Variants in LRTM2 observed in about 807,000 individuals in gnomAD.
LRTM2 encodes leucine-rich repeat and transmembrane domain-containing protein 2.
In LRTM2, 18 loss-of-function variants were observed where a neutral mutation model predicts 28.1. That is an observed-to-expected ratio of 0.64 (90% CI 0.44 to 0.95). The LOEUF (loss-of-function observed/expected upper bound fraction) is 0.95. Among genes scored for constraint, LRTM2 ranks in the 40% least tolerant of loss-of-function variants. The pLI is 0.00. For synonymous variants in LRTM2, 250 were observed against 218.7 expected, an observed-to-expected ratio of 1.14 and a Z score of -1.26; for missense variants, 436 against 497.2, an observed-to-expected ratio of 0.88 and a Z score of 1.17.
intron 1 of LRTM2, chr12:1,823,321 A>G (rs189305004): frequency 6.6e-6 from 1 of 152,416 alleles, no homozygotes; most frequent in East Asian, 1.9e-4. Flanking sequence ...AGACTGATTA[A>G]TTAACCTCCA....
rs370265892 is a variant in LRTM2 at position 1,831,063 on chromosome 12, G to A, written c.196G>A (p.Val66Met). Residue 66 changes from valine to methionine, a missense_variant, in exon 4 of 5, where the codon GTG (valine) becomes ATG (methionine). Coordinates refer to ENST00000299194, the MANE Select transcript of LRTM2 (RefSeq NM_001039029.3). ...TGGCCTCACCACGGTGCCCCCAGAC[G>A]TGCCCGCAGCCACCCGAACCCTCTT... ...GLGLTTVPPDVPAATRTLLLL... is the reference protein window; with the variant it reads ...GLGLTTVPPDMPAATRTLLLL... 135 of 1,614,024 alleles carry A rather than the reference G, an allele frequency of 8.4e-5. No individual in the cohort carries two copies. The highest frequency in any genetic ancestry group is 1.2e-4 in the Admixed American group (7 of 60,024).
chr12:1,827,954 T>G (rs1864420928), intron 2 of LRTM2, 122 bp from the exon 3 acceptor site: 1 of 422,636 alleles, frequency 2.4e-6, no homozygotes, highest in Non-Finnish European at 4.1e-6. Flanking sequence ...CAGGGAATCA[T>G]AACTGAGAGG....
At chr12:1,825,642 A>G (rs1864282575) in intron 1 of LRTM2, among the ~76,000 whole-genome samples, 1 of 152,160 alleles carries the variant, frequency 6.6e-6, no homozygotes, top group Admixed American at 6.5e-5. Context: ...GTTAGCACAT[A>G]CCTAGCTGCA....
intron 1 of LRTM2, among the ~76,000 whole-genome samples, chr12:1,823,044 C>T (rs181969618): frequency 7.6e-4 from 116 of 152,302 alleles, no homozygotes; most frequent in African/African-American, 2.7e-3. Flanking sequence ...GCTGCAAATG[C>T]CCCCTTTACC....
Position 1,834,262 on chromosome 12 carries a change from T to C in LRTM2, c.659-5T>C. On this transcript the variant is annotated splice_polypyrimidine_tract_variant and splice_region_variant and intron_variant, in intron 4 of 4. Coordinates refer to ENST00000299194, the MANE Select transcript of LRTM2 (RefSeq NM_001039029.3). The surrounding 1 kb of genome is among the most constrained non-coding windows in gnomAD (Gnocchi z 7.6). Reference sequence around the variant, plus strand: ...TCAGCCCCTCTTTTTCTCTTCTGCATGTAGGGGGACGCTTGGACCAGCTTG... The same window carrying C: ...TCAGCCCCTCTTTTTCTCTTCTGCACGTAGGGGGACGCTTGGACCAGCTTG... 5 of 1,556,700 alleles carry C rather than the reference T, an allele frequency of 3.2e-6. No homozygotes were observed. The highest frequency in any genetic ancestry group is 4.4e-6 in the Non-Finnish European group (5 of 1,148,828).
chr12:1,828,327 C>A lies in LRTM2; in HGVS notation c.67+112C>A. The A allele has an allele frequency of 3.2e-6, 3 of 950,026 alleles. No homozygotes were observed. Among genetic ancestry groups the A allele is most frequent in the Non-Finnish European group, 4.5e-6 (3 of 667,266 alleles). The allele number at this position is 950,026 out of a possible 1,614,324, so 58.8% of individuals were successfully genotyped here. A position where few individuals can be genotyped will look rare whatever the true frequency, so the allele number is the denominator to read the frequency against. On this transcript the variant is annotated intron_variant, in intron 3 of 4. Transcript: ENST00000299194. This position sits in a 1 kb window ranked among gnomAD's most constrained non-coding sequence, Gnocchi z 4.2. The stretch of plus-strand genomic sequence containing the variant: ...CACACTCAGGCTGCAGGGAGGCCTA[C>A]GCCAGATCTTCCTGGGGTACCCGAG...
rs930496957 is a variant in LRTM2, at chr12:1,833,295, A to G, written c.659-972A>G. On this transcript the variant is annotated intron_variant, in intron 4 of 4. Coordinates refer to ENST00000299194, the MANE Select transcript of LRTM2 (RefSeq NM_001039029.3). This position sits in a 1 kb window ranked among gnomAD's most constrained non-coding sequence, Gnocchi z 4.2. ...TGGCTGCAGCCCGCATCTTTTCGGC[A>G]GGGGGTCTAGTGCCTGCATCCAGAT... is the stretch of plus-strand genomic sequence containing the variant. Among the ~76,000 whole-genome samples, 3 of 152,148 alleles carry G rather than the reference A, an allele frequency of 2.0e-5. No individual in the cohort carries two copies. Among genetic ancestry groups the G allele is most frequent in the African/African-American group, 7.2e-5 (3 of 41,438 alleles).
intron 1 of LRTM2, among the ~76,000 whole-genome samples, chr12:1,823,913 G>A (rs891538343): frequency 2.6e-4 from 40 of 152,194 alleles, no homozygotes; most frequent in Admixed American, 2.2e-3. Context: ...TAACCCCCAC[G>A]TGTAAGCAGA....
rs1864727628 is a variant in LRTM2 at position 1,833,646 on chromosome 12, G to A, written c.659-621G>A. On this transcript the variant is annotated intron_variant, in intron 4 of 4. Coordinates refer to ENST00000299194, the MANE Select transcript of LRTM2 (RefSeq NM_001039029.3). This position sits in a 1 kb window ranked among gnomAD's most constrained non-coding sequence, Gnocchi z 4.2. ...GGATTGCTCCTAAGGAGGAGAAGGA[G>A]AACATTCCTGCCCAACTCTTTTCCT... Among the ~76,000 whole-genome samples, 1 of 152,214 alleles carries A rather than the reference G, an allele frequency of 6.6e-6. No individual in the cohort carries two copies. Among genetic ancestry groups the A allele is most frequent in the African/African-American group, 2.4e-5 (1 of 41,430 alleles).
chr12:1,823,305 A>T (rs1254766857), intron 1 of LRTM2: 1 of 152,276 alleles, frequency 6.6e-6, no homozygotes, highest in Non-Finnish European at 1.5e-5. Context: ...TTCTAGCTAG[A>T]GTCTGAGACT....
rs1864737340 is a variant in LRTM2 at position 1,833,878 on chromosome 12, G to T, written c.659-389G>T. ...ATTCGGGGGCAGAGAGTGTGGCAGG[G>T]ACGCTCAGCTCTCTAATGACAGCCC... On this transcript the variant is annotated intron_variant, in intron 4 of 4. Coordinates refer to ENST00000299194, the MANE Select transcript of LRTM2 (RefSeq NM_001039029.3). This position sits in a 1 kb window ranked among gnomAD's most constrained non-coding sequence, Gnocchi z 4.2. Among the ~76,000 whole-genome samples the T allele has an allele frequency of 6.6e-6, 1 of 152,182 alleles. No homozygotes were observed. The highest frequency in any genetic ancestry group is 1.5e-5 in the Non-Finnish European group (1 of 68,034).
intron 4 of LRTM2, among the ~76,000 whole-genome samples, chr12:1,832,362 G>A (rs959855901): frequency 3.3e-5 from 5 of 152,208 alleles, no homozygotes; most frequent in Admixed American, 6.5e-5. Flanking sequence ...GGCAATGCAC[G>A]GAACGTGGCT....
chr12:1,828,782 T>C lies in LRTM2; in HGVS notation c.67+567T>C, dbSNP rs544122872. Among the ~76,000 whole-genome samples the C allele has an allele frequency of 2.6e-4, 39 of 152,246 alleles. No homozygotes were observed. The highest frequency in any genetic ancestry group is 8.9e-4 in the African/African-American group (37 of 41,546). On this transcript the variant is annotated intron_variant, in intron 3 of 4. Transcript: ENST00000299194. The surrounding 1 kb of genome is among the most constrained non-coding windows in gnomAD (Gnocchi z 4.2). ...TTTGGGGAGTGGGTCCAACCCCTCC[T>C]GCATATAGGCAGACTGAGCCGTCCA...
At chr12:1,823,596 C>T (rs769209130) in intron 1 of LRTM2, among the ~76,000 whole-genome samples, 3 of 151,948 alleles carry the variant, frequency 2.0e-5, no homozygotes, top group Non-Finnish European at 4.4e-5. Flanking sequence ...AACAGAGCTC[C>T]GGCCTACTCC....
rs770927280 is a variant in LRTM2, at chr12:1,828,240, G to C, written c.67+25G>C. 1.2e-5 allele frequency: 18 copies of C among 1,531,086 alleles called. No individual in the cohort carries two copies. Among genetic ancestry groups the C allele is most frequent in the Middle Eastern group, 3.4e-4 (2 of 5,854 alleles). The allele number at this position is 1,531,086 out of a possible 1,614,324, so 94.8% of individuals were successfully genotyped here. A position where few individuals can be genotyped will look rare whatever the true frequency, so the allele number is the denominator to read the frequency against. On this transcript the variant is annotated intron_variant, in intron 3 of 4. Transcript: ENST00000299194. The surrounding 1 kb of genome is among the most constrained non-coding windows in gnomAD (Gnocchi z 4.2). The stretch of plus-strand genomic sequence containing the variant: ...TGTGAGTACACCCCTGGCCTCGGAG[G>C]GGGGTGCGGGTTGGGTGGGGGTGCC...
intron 1 of LRTM2, among the ~76,000 whole-genome samples, chr12:1,825,688 G>A (rs1306115057): frequency 6.6e-6 from 1 of 152,218 alleles, no homozygotes; most frequent in East Asian, 1.9e-4. Flanking sequence ...ATCACGTGCT[G>A]TGTACAGAGC....
chr12:1,828,689 A>G lies in LRTM2; in HGVS notation c.67+474A>G, dbSNP rs1864477288. 6.6e-6 allele frequency among the ~76,000 whole-genome samples: 1 copy of G among 151,828 alleles called. No individual in the cohort carries two copies. Among genetic ancestry groups the G allele is most frequent in the Non-Finnish European group, 1.5e-5 (1 of 67,952 alleles). On this transcript the variant is annotated intron_variant, in intron 3 of 4. Transcript: ENST00000299194. This position sits in a 1 kb window ranked among gnomAD's most constrained non-coding sequence, Gnocchi z 4.2. ...CTTGGAGATGTCTCTTATGCTCCTT[A>G]TGCCTCCGCTTTCCCAACTCTCGGT...
rs548462178 is a variant in LRTM2 at position 1,821,608 on chromosome 12, A to G, written c.-259+794A>G. On this transcript the variant is annotated intron_variant, in intron 1 of 4. Coordinates refer to ENST00000299194, the MANE Select transcript of LRTM2 (RefSeq NM_001039029.3). ...CAGGGAGCCTTAGTGGGGGCTGGACACTGAGCTTGGGTGGGGGGTACACAG... is the reference window on the plus strand; with the variant it reads ...CAGGGAGCCTTAGTGGGGGCTGGACGCTGAGCTTGGGTGGGGGGTACACAG... Among the ~76,000 whole-genome samples, 6 of 152,196 alleles carry G rather than the reference A, an allele frequency of 3.9e-5. No individual in the cohort carries two copies. The South Asian group carries it at 1.2e-3, about 32-fold the overall frequency.
At chr12:1,824,545 C>T (rs1864239280) in intron 1 of LRTM2, among the ~76,000 whole-genome samples, 1 of 152,218 alleles carries the variant, frequency 6.6e-6, no homozygotes, top group African/African-American at 2.4e-5. Context: ...GTCTCTAGGA[C>T]TGGGTTAGGA....
Sources: allele counts gnomAD v4.1 joint callset (sites outside exome capture counted in the v4.1 genomes callset), GRCh38; gene constraint gnomAD v4.1.1; non-coding constraint Gnocchi (gnomAD v3.1); transcripts MANE v1.5; gene names NCBI Gene and HGNC (gene_info 2026-07-23, HGNC 2026-07-21).